The following CDH13 variants were observed in gnomAD, a reference collection of about 807,000 sequenced individuals.
CDH13 encodes the protein cadherin 13.
Under a neutral mutation model 63.8 loss-of-function variants are expected in CDH13, and 24 were observed. The observed-to-expected ratio is 0.38, with a 90% CI of 0.27 to 0.53. CDH13 has a LOEUF of 0.53. Ranked by LOEUF, CDH13 falls within the 20% of genes least tolerant of loss-of-function variation. The pLI is 0.85. For synonymous variants in CDH13, 503 were observed against 355.3 expected (o/e 1.42, Z -4.67); for missense variants, 1,049 against 903.1 (o/e 1.16, Z -2.07).
intron 1 of CDH13, among the ~76,000 whole-genome samples, chr16:82,754,859 C>T (rs986804876): frequency 6.6e-6 from 1 of 152,124 alleles, no homozygotes; most frequent in African/African-American, 2.4e-5. Flanking sequence ...TCAGTGGGTA[C>T]TTCATGAGCC....
At chr16:83,131,182 ACCCCCCCCCC>A (rs1173636265) in intron 4 of CDH13, among the ~76,000 whole-genome samples, 2 of 86,346 alleles carry the variant, frequency 2.3e-5, no homozygotes, top group East Asian at 4.1e-4. Context: ...GGGGTGTATG[ACCCCCCCCCC>A]CCCCCCCCCG....
rs16960049 is a variant in CDH13 at position 83,270,370 on chromosome 16, A to G, written c.636+52873A>G. Among the ~76,000 whole-genome samples the G allele has an allele frequency of 8.1e-3, 1,229 of 152,322 alleles. 18 individuals carry two copies. Among genetic ancestry groups the G allele is most frequent in the African/African-American group, 0.028 (1,173 of 41,564 alleles). On this transcript the variant is annotated intron_variant, in intron 5 of 13. Coordinates refer to ENST00000567109, the MANE Select transcript of CDH13 (RefSeq NM_001257.5). ...TGGGATGTGGCTGTGTTTCACTGCAATAATATGCCCACGAGGAAATACGGT... is the reference window on the plus strand; with the variant it reads ...TGGGATGTGGCTGTGTTTCACTGCAGTAATATGCCCACGAGGAAATACGGT...
chr16:83,515,279 G>T (rs560266571), intron 7 of CDH13, among the ~76,000 whole-genome samples: 18 of 152,276 alleles, frequency 1.2e-4, no homozygotes, highest in African/African-American at 4.3e-4. Flanking sequence ...AATTCTAGAA[G>T]CTTTGAAACC....
At chr16:83,254,674 G>T (rs1258727111) in intron 5 of CDH13, among the ~76,000 whole-genome samples, 1 of 152,262 alleles carries the variant, frequency 6.6e-6, no homozygotes, top group South Asian at 2.1e-4. Context: ...TTGATGTGGG[G>T]TATAAATAAA....
At chr16:83,609,108 A>G (rs1423638557) in intron 8 of CDH13, among the ~76,000 whole-genome samples, 1 of 152,058 alleles carries the variant, frequency 6.6e-6, no homozygotes, top group Non-Finnish European at 1.5e-5. Context: ...AAATTTAAGG[A>G]CGTTTCTGTC....
intron 2 of CDH13, chr16:82,884,122 T>C (rs1182168161): frequency 2.2e-6 from 1 of 450,016 alleles, no homozygotes; most frequent in Non-Finnish European, 4.4e-6. Flanking sequence ...TATTGTTGAT[T>C]GAATGCATGT....
chr16:83,330,538 G>C (rs2090458274), intron 5 of CDH13, among the ~76,000 whole-genome samples: 1 of 152,162 alleles, frequency 6.6e-6, no homozygotes, highest in African/African-American at 2.4e-5. Context: ...AAAGTGCTAA[G>C]TTAACTCTGG....
At chr16:83,445,012 T>A (rs192221442) in intron 6 of CDH13, among the ~76,000 whole-genome samples, 1 of 152,178 alleles carries the variant, frequency 6.6e-6, no homozygotes, top group Non-Finnish European at 1.5e-5. Flanking sequence ...GGGCTGGGAT[T>A]TTTTTCAAAT....
chr16:83,474,233 C>T (rs550528849), intron 6 of CDH13, among the ~76,000 whole-genome samples: 1 of 152,270 alleles, frequency 6.6e-6, no homozygotes, highest in East Asian at 1.9e-4. Context: ...TCCTCAGTGC[C>T]CCCTATATTT....
intron 7 of CDH13, among the ~76,000 whole-genome samples, chr16:83,527,936 C>T (rs559075418): frequency 6.5e-4 from 99 of 152,296 alleles, no homozygotes; most frequent in African/African-American, 2.2e-3. Context: ...AATATTAGAG[C>T]CAGAGGAAAT....
At chr16:83,468,384 G>A (rs544364976) in intron 6 of CDH13, among the ~76,000 whole-genome samples, 1 of 152,290 alleles carries the variant, frequency 6.6e-6, no homozygotes, top group African/African-American at 2.4e-5. Context: ...GTAAGGAAGA[G>A]ACCTCCCCTA....
intron 5 of CDH13, among the ~76,000 whole-genome samples, chr16:83,322,991 T>C (rs1435779751): frequency 2.0e-5 from 3 of 151,996 alleles, no homozygotes; most frequent in Non-Finnish European, 4.4e-5. Flanking sequence ...AAAAGTACTT[T>C]CATACCCATT....
chr16:82,847,968 TA>T, intron 1 of CDH13, among the ~76,000 whole-genome samples: 1 of 150,530 alleles, frequency 6.6e-6, no homozygotes, highest in Admixed American at 6.7e-5. Flanking sequence ...GAAGTCAAAA[TA>T]AAAATGTAGA....
rs527744554 is a variant in CDH13 at position 83,793,421 on chromosome 16, A to G, written c.2135-1602A>G. Among the ~76,000 whole-genome samples, 49 of 152,308 alleles carry G rather than the reference A, an allele frequency of 3.2e-4. 1 individual carries two copies. Among genetic ancestry groups the G allele is most frequent in the South Asian group, 6.2e-4 (3 of 4,828 alleles). On this transcript the variant is annotated intron_variant, in intron 13 of 13. Coordinates refer to ENST00000567109, the MANE Select transcript of CDH13 (RefSeq NM_001257.5). ...ACTGGAGCCAGCCCCGCAGCTGGCC[A>G]TAAGGAGGAGCCACGAGCAGGTGCT...
At chr16:83,411,302 C>T (rs2092122289) in intron 6 of CDH13, among the ~76,000 whole-genome samples, 1 of 152,132 alleles carries the variant, frequency 6.6e-6, no homozygotes. Context: ...AATTAGCATC[C>T]CCCTTTACTG....
At chr16:83,511,522 C>CCTACA (rs1244272689) in intron 7 of CDH13, among the ~76,000 whole-genome samples, 1 of 151,782 alleles carries the variant, frequency 6.6e-6, no homozygotes, top group African/African-American at 2.4e-5. Flanking sequence ...CGCACATACA[C>CCTACA]CTACACATAC....
intron 7 of CDH13, among the ~76,000 whole-genome samples, chr16:83,507,838 G>A (rs1346249952): frequency 8.8e-6 from 1 of 113,624 alleles, no homozygotes; most frequent in Non-Finnish European, 1.9e-5. Context: ...TTCGATGCCA[G>A]CCTGGCCAAC....
At chr16:83,071,356 A>C (rs1046327512) in intron 3 of CDH13, among the ~76,000 whole-genome samples, 1 of 152,160 alleles carries the variant, frequency 6.6e-6, no homozygotes, top group African/African-American at 2.4e-5. Context: ...ACTGGGAATC[A>C]AGGAGGTTAA....
intron 5 of CDH13, among the ~76,000 whole-genome samples, chr16:83,285,893 A>G (rs2089299561): frequency 6.6e-6 from 1 of 152,246 alleles, no homozygotes; most frequent in South Asian, 2.1e-4. Flanking sequence ...CAGGCATCAC[A>G]GAGAAGTGGG....
Sources: allele counts gnomAD v4.1 joint callset (sites outside exome capture counted in the v4.1 genomes callset), GRCh38; gene constraint gnomAD v4.1.1; transcripts MANE v1.5; gene names NCBI Gene and HGNC (gene_info 2026-07-23, HGNC 2026-07-21).